PAK4: variants seen among roughly 807,000 people sequenced by gnomAD.
PAK4 encodes p21 (RAC1) activated kinase 4, also known as serine/threonine-protein kinase PAK 4.
In PAK4, 49 loss-of-function variants were observed where a neutral mutation model predicts 53.5. The observed-to-expected ratio is 0.92, with a 90% CI of 0.73 to 1.16. The LOEUF (loss-of-function observed/expected upper bound fraction) is 1.16, where lower values mean the gene tolerates loss of function less well. Ranked by LOEUF, PAK4 falls within the 50% of genes most tolerant of loss-of-function variation. The probability of loss-of-function intolerance (pLI) is 0.00; values close to 1 mark genes in which losing one functional copy is unlikely to be tolerated. For missense variants in PAK4, 824 were observed against 850.7 expected, an observed-to-expected ratio of 0.97 and a Z score of 0.39; for synonymous variants, 376 against 375.6, an observed-to-expected ratio of 1.00 and a Z score of -0.01.
chr19:39,128,111 C>G (rs1421520447), intron 1 of PAK4, among the ~76,000 whole-genome samples: 1 of 152,178 alleles, frequency 6.6e-6, no homozygotes, highest in African/African-American at 2.4e-5. Context: ...GTACACACCC[C>G]TCTCCATCAC....
intron 1 of PAK4, among the ~76,000 whole-genome samples, chr19:39,144,160 ATTAGAT>A (rs1484108686): frequency 7.3e-6 from 1 of 137,168 alleles, no homozygotes; most frequent in African/African-American, 3.0e-5. Context: ...AGATAGATAG[ATTAGAT>A]TAGATAGATA....
intron 1 of PAK4, among the ~76,000 whole-genome samples, chr19:39,158,512 G>A (rs2074231776): frequency 6.6e-6 from 1 of 152,182 alleles, no homozygotes; most frequent in Non-Finnish European, 1.5e-5. Context: ...CAGGCCGTAT[G>A]GGCTCCCACA....
chr19:39,155,526 G>A (rs987844623), intron 1 of PAK4, among the ~76,000 whole-genome samples: 1 of 152,112 alleles, frequency 6.6e-6, no homozygotes, highest in African/African-American at 2.4e-5. Flanking sequence ...GCAGCCCTCC[G>A]GAGGCCTCGA....
intron 1 of PAK4, among the ~76,000 whole-genome samples, chr19:39,144,117 T>TAGAC (rs1221421663): frequency 2.8e-4 from 35 of 124,554 alleles, no homozygotes; most frequent in East Asian, 2.4e-3. Flanking sequence ...GATAGATAGA[T>TAGAC]AGACAGACAG....
chr19:39,141,947 G>A (rs8107629), intron 1 of PAK4, among the ~76,000 whole-genome samples: 39,817 of 152,108 alleles, frequency 0.26, 5,293 homozygotes, highest in East Asian at 0.4. Context: ...ATTTGGGTCT[G>A]GACAAGGTCT....
chr19:39,142,879 C>T (rs557188749), intron 1 of PAK4, among the ~76,000 whole-genome samples: 1 of 152,286 alleles, frequency 6.6e-6, no homozygotes, highest in African/African-American at 2.4e-5. Flanking sequence ...CCTCTGGGAG[C>T]TGCCCTTCCA....
chr19:39,135,485 G>A (rs2073795595), intron 1 of PAK4, among the ~76,000 whole-genome samples: 1 of 151,726 alleles, frequency 6.6e-6, no homozygotes. Flanking sequence ...ACAGGCATGT[G>A]CCACCACGCA....
downstream of PAK4, chr19:39,181,006 C>T (rs905065252): frequency 3.9e-5 from 6 of 152,270 alleles, no homozygotes; most frequent in African/African-American, 1.2e-4. Context: ...GGAGCTCCCT[C>T]GCCCAGCCAC....
At chr19:39,166,729 C>G (rs1179873401) in intron 1 of PAK4, among the ~76,000 whole-genome samples, 2 of 152,212 alleles carry the variant, frequency 1.3e-5, no homozygotes, top group Admixed American at 6.5e-5. Flanking sequence ...GCAAGCCCAG[C>G]CTTTCTGCCT....
chr19:39,148,159 C>T (rs989178691), intron 1 of PAK4, among the ~76,000 whole-genome samples: 2 of 151,604 alleles, frequency 1.3e-5, no homozygotes, highest in Non-Finnish European at 2.9e-5. Context: ...ACCATGTTGG[C>T]CAGGCTGGTC....
At chr19:39,167,556 G>C (rs765315587) in intron 1 of PAK4, among the ~76,000 whole-genome samples, 1 of 152,138 alleles carries the variant, frequency 6.6e-6, no homozygotes. Flanking sequence ...CCCCCCGTCC[G>C]CCCTCCATCC....
rs543178390 is a variant in PAK4, at chr19:39,157,290, A to G, written c.-22-12242A>G. ...TAGGTGCGTGTGTGTCCTGGGGTGCAGTGCGGCTTTCCCTCGAAGTCATGG... is the reference window on the plus strand; with the variant it reads ...TAGGTGCGTGTGTGTCCTGGGGTGCGGTGCGGCTTTCCCTCGAAGTCATGG... On this transcript the variant is annotated intron_variant, in intron 1 of 8. Coordinates refer to ENST00000358301, the Ensembl canonical transcript of PAK4. Among the ~76,000 whole-genome samples, 43 of 152,084 alleles carry G rather than the reference A, an allele frequency of 2.8e-4. No individual in the cohort carries two copies. In the East Asian group the frequency reaches 6.8e-3, roughly 24 times the overall value.
chr19:39,144,412 C>G (rs974223923), intron 1 of PAK4, among the ~76,000 whole-genome samples: 6 of 152,222 alleles, frequency 3.9e-5, no homozygotes, highest in African/African-American at 1.4e-4. Context: ...TGTCCTGTCT[C>G]CAGCACGGGG....
In PAK4 at chr19:39,175,366, G is replaced by A. The variant is rs116665223; in HGVS notation, c.1287G>A (p.Ser429=). Residue 429 remains serine, a synonymous_variant, in exon 6 of 9, where the codon TCG becomes TCA. Coordinates refer to ENST00000358301, the Ensembl canonical transcript of PAK4. The surrounding 1 kb of genome is among the most constrained non-coding windows in gnomAD (Gnocchi z 4.7). ...GCCTTGCAGTGCTGCAGGCCCTGTCGGTGCTCCACGCCCAGGGCGTCATCC... is the reference window on the plus strand; with the variant it reads ...GCCTTGCAGTGCTGCAGGCCCTGTCAGTGCTCCACGCCCAGGGCGTCATCC... 4,172 of 1,606,308 alleles carry A rather than the reference G, an allele frequency of 2.6e-3. 52 individuals are homozygous for A. The African/African-American group carries it at 0.03, about 11-fold the overall frequency.
intron 1 of PAK4, among the ~76,000 whole-genome samples, chr19:39,141,655 G>A (rs2073911656): frequency 1.3e-5 from 2 of 150,830 alleles, no homozygotes; most frequent in African/African-American, 4.9e-5. Flanking sequence ...TGTTGTTTGA[G>A]ACAGAGTCTC....
At chr19:39,142,644 C>T (rs2073929543) in intron 1 of PAK4, among the ~76,000 whole-genome samples, 1 of 152,202 alleles carries the variant, frequency 6.6e-6, no homozygotes, top group South Asian at 2.1e-4. Flanking sequence ...CCTCTGGTTC[C>T]TGCTTTGCTA....
At chr19:39,132,557 A>T (rs2073733102) in intron 1 of PAK4, among the ~76,000 whole-genome samples, 1 of 152,268 alleles carries the variant, frequency 6.6e-6, no homozygotes, top group Non-Finnish European at 1.5e-5. Context: ...CCCCACGGAC[A>T]GCACAGCCAT....
chr19:39,156,171 C>T (rs1409345955), intron 1 of PAK4, among the ~76,000 whole-genome samples: 2 of 152,204 alleles, frequency 1.3e-5, no homozygotes, highest in East Asian at 3.9e-4. Context: ...AGAGTGGCCC[C>T]TTTCCTCCAG....
intron 1 of PAK4, among the ~76,000 whole-genome samples, chr19:39,129,524 C>G (rs2073660130): frequency 6.6e-6 from 1 of 152,172 alleles, no homozygotes; most frequent in Admixed American, 6.5e-5. Flanking sequence ...TGCTCCCCAG[C>G]AGGCTCCGGG....
Sources: allele counts gnomAD v4.1 joint callset (sites outside exome capture counted in the v4.1 genomes callset), GRCh38; gene constraint gnomAD v4.1.1; non-coding constraint Gnocchi (gnomAD v3.1); transcripts MANE v1.5; gene names NCBI Gene and HGNC (gene_info 2026-07-23, HGNC 2026-07-21).